Variants in MAGI1 observed in about 807,000 individuals in gnomAD.
MAGI1 encodes the protein membrane associated guanylate kinase, WW and PDZ domain containing 1.
In MAGI1, 58 loss-of-function variants were observed where a neutral mutation model predicts 139.9. The observed-to-expected ratio is 0.41, with a 90% CI of 0.34 to 0.52. The LOEUF (loss-of-function observed/expected upper bound fraction) is 0.52, where lower values mean the gene tolerates loss of function less well. Among genes scored for constraint, MAGI1 ranks in the 20% least tolerant of loss-of-function variants. The pLI is 0.12. For missense variants in MAGI1, 1,874 were observed against 1,901.6 expected, an observed-to-expected ratio of 0.99 and a Z score of 0.27; for synonymous variants, 812 against 737.9, an observed-to-expected ratio of 1.10 and a Z score of -1.63.
Position 65,356,028 on chromosome 3 carries a change from C to A in MAGI1, c.*350G>T. 5.5e-6 allele frequency: 1 copy of A among 180,758 alleles called. No homozygotes were observed. The allele number at this position is 180,758 out of a possible 1,614,324, so 11.2% of individuals were successfully genotyped here. On this transcript the variant is annotated 3_prime_UTR_variant, in exon 23 of 23. Transcript: ENST00000402939. ...TCCCTTACGTAGAGAAAATGATCAA[C>A]AGCCCCATTTAACCAGGAGAGAAAA...
intron 1 of MAGI1, among the ~76,000 whole-genome samples, chr3:65,845,636 C>G (rs2058966397): frequency 6.6e-6 from 1 of 152,210 alleles, no homozygotes; most frequent in South Asian, 2.1e-4. Context: ...ACATCACTCA[C>G]AACTGCACCA....
At chr3:65,987,536 C>T (rs941681461) in intron 1 of MAGI1, among the ~76,000 whole-genome samples, 2 of 152,144 alleles carry the variant, frequency 1.3e-5, no homozygotes, top group African/African-American at 4.8e-5. Flanking sequence ...GGCACCAAAA[C>T]CCTCAAGAAT....
chr3:65,643,364 C>T (rs755995556), intron 1 of MAGI1, among the ~76,000 whole-genome samples: 17 of 152,146 alleles, frequency 1.1e-4, no homozygotes, highest in South Asian at 4.1e-4. Flanking sequence ...ATTATATAGT[C>T]AAGTCAATGT....
chr3:65,663,129 T>C (rs1002384033), intron 1 of MAGI1, among the ~76,000 whole-genome samples: 4 of 152,170 alleles, frequency 2.6e-5, no homozygotes, highest in African/African-American at 7.2e-5. Flanking sequence ...CAAAGTGAGA[T>C]TGAAAATAAT....
At chr3:65,747,436 C>G (rs1228056169) in intron 1 of MAGI1, among the ~76,000 whole-genome samples, 1 of 152,186 alleles carries the variant, frequency 6.6e-6, no homozygotes, top group Non-Finnish European at 1.5e-5. Flanking sequence ...ACTCTTCTCA[C>G]TAAATATTTA....
chr3:65,901,272 G>C (rs1308336760), intron 1 of MAGI1, among the ~76,000 whole-genome samples: 1 of 152,226 alleles, frequency 6.6e-6, no homozygotes, highest in East Asian at 1.9e-4. Context: ...TCTTTCCAAT[G>C]ATGAGGAATC....
At chr3:65,807,966 A>C (rs1285706024) in intron 1 of MAGI1, among the ~76,000 whole-genome samples, 1 of 151,688 alleles carries the variant, frequency 6.6e-6, no homozygotes, top group African/African-American at 2.4e-5. Context: ...CCTGTAATCC[A>C]GCACTTTGAG....
At chr3:65,610,327 C>T (rs151089027) in intron 2 of MAGI1, among the ~76,000 whole-genome samples, 3 of 152,230 alleles carry the variant, frequency 2.0e-5, no homozygotes, top group African/African-American at 4.8e-5. Context: ...CTTCTATCCA[C>T]TGGGGAAAAA....
At chr3:65,448,711 C>T (rs956907401) in intron 6 of MAGI1, among the ~76,000 whole-genome samples, 2 of 151,886 alleles carry the variant, frequency 1.3e-5, no homozygotes, top group Non-Finnish European at 2.9e-5. Flanking sequence ...CACACACACA[C>T]ACACACACAC....
At chr3:65,917,851 C>T (rs768237542) in intron 1 of MAGI1, among the ~76,000 whole-genome samples, 9 of 152,268 alleles carry the variant, frequency 5.9e-5, no homozygotes, top group Admixed American at 1.3e-4. Flanking sequence ...ATGGTGGACA[C>T]GTGTCATTAC....
intron 13 of MAGI1, among the ~76,000 whole-genome samples, chr3:65,396,494 G>C (rs1944404991): frequency 6.6e-6 from 1 of 152,062 alleles, no homozygotes; most frequent in African/African-American, 2.4e-5. Flanking sequence ...TTTATAAATG[G>C]AAATGCGAAA....
intron 1 of MAGI1, among the ~76,000 whole-genome samples, chr3:65,648,962 C>A (rs965660398): frequency 6.6e-6 from 1 of 152,084 alleles, no homozygotes; most frequent in African/African-American, 2.4e-5. Context: ...GAAAGGACAC[C>A]CTTTTCAACA....
chr3:65,657,739 T>A (rs1026863558), intron 1 of MAGI1, among the ~76,000 whole-genome samples: 1 of 152,220 alleles, frequency 6.6e-6, no homozygotes. Context: ...CAATGAAATT[T>A]GCTCCTAAGT....
At chr3:65,961,552 G>C (rs1409945658) in intron 1 of MAGI1, among the ~76,000 whole-genome samples, 1 of 152,146 alleles carries the variant, frequency 6.6e-6, no homozygotes, top group Admixed American at 6.5e-5. Flanking sequence ...AACATAGAAA[G>C]ACCCTTAAAT....
chr3:65,855,870 T>C (rs1471338482), intron 1 of MAGI1, among the ~76,000 whole-genome samples: 2 of 151,644 alleles, frequency 1.3e-5, no homozygotes, highest in African/African-American at 2.4e-5. Context: ...ACTCATTCTT[T>C]CCCTCACTTA....
At chr3:65,568,621 C>A (rs778595358) in intron 2 of MAGI1, among the ~76,000 whole-genome samples, 2 of 152,176 alleles carry the variant, frequency 1.3e-5, no homozygotes, top group Non-Finnish European at 2.9e-5. Flanking sequence ...CGTTCTACAC[C>A]TGTTTAGCGC....
chr3:65,453,014 C>T, intron 6 of MAGI1: 1 of 459,276 alleles, frequency 2.2e-6, no homozygotes, highest in Non-Finnish European at 3.9e-6. Flanking sequence ...TGAACAGTTT[C>T]TGACTGTTCT....
rs541374786 is a variant in MAGI1 at position 65,486,808 on chromosome 3, G to A, written c.550+6704C>T. On this transcript the variant is annotated intron_variant, in intron 3 of 22. Coordinates refer to ENST00000402939, the MANE Select transcript of MAGI1 (RefSeq NM_001033057.2). ...TGCTACTCTCAGCATTACAGCTGTCGGTGGATAGAAAGTTTCAGGATGGAG... is the reference window on the plus strand; with the variant it reads ...TGCTACTCTCAGCATTACAGCTGTCAGTGGATAGAAAGTTTCAGGATGGAG... Among the ~76,000 whole-genome samples the A allele has an allele frequency of 1.3e-4, 20 of 152,100 alleles. No homozygotes were observed. In the East Asian group the frequency reaches 2.7e-3, roughly 21 times the overall value.
chr3:65,417,636 A>C (rs1946324958), intron 12 of MAGI1, among the ~76,000 whole-genome samples: 1 of 152,062 alleles, frequency 6.6e-6, no homozygotes, highest in Admixed American at 6.6e-5. Flanking sequence ...AGGCCTGCAC[A>C]TTCATGTATG....
Sources: gnomAD v4.1 joint callset for allele counts (sites outside exome capture counted in the v4.1 genomes callset) on GRCh38, gnomAD v4.1.1 for gene constraint, MANE v1.5 for transcripts, NCBI Gene and HGNC (gene_info 2026-07-23, HGNC 2026-07-21) for gene names.